Variants in CAMK4 observed in about 807,000 individuals in gnomAD.
CAMK4 encodes the protein calcium/calmodulin-dependent protein kinase type IV.
CAMK4 carries 22 observed loss-of-function variants against 44.9 expected under a neutral mutation model. That is an observed-to-expected ratio of 0.49 (90% confidence interval 0.35 to 0.70). CAMK4 has a LOEUF of 0.70. Among genes scored for constraint, CAMK4 ranks in the 30% least tolerant of loss-of-function variants. CAMK4 has a pLI of 0.01. For synonymous variants in CAMK4, 218 were observed against 215.4 expected (o/e 1.01, Z -0.11); for missense variants, 498 against 586.8 (o/e 0.85, Z 1.56).
Position 111,482,947 on chromosome 5 carries a change from C to A in CAMK4, c.981+10C>A. 1 of 1,583,826 alleles carries A rather than the reference C, an allele frequency of 6.3e-7. No individual in the cohort carries two copies. On this transcript the variant is annotated intron_variant, in intron 10 of 10. Transcript: ENST00000282356. This position sits in a 1 kb window ranked among gnomAD's most constrained non-coding sequence, Gnocchi z 4.9. ...CCGGCGTAAGCTTAAGGTAAGATAG[C>A]ATATATTTTGTTTTGTTTTGTTTTG...
At chr5:111,241,780 T>C (rs534122513) in intron 1 of CAMK4, among the ~76,000 whole-genome samples, 1 of 152,348 alleles carries the variant, frequency 6.6e-6, no homozygotes, top group South Asian at 2.1e-4. Flanking sequence ...AATCATGCAA[T>C]TGGGAATGTA....
chr5:111,345,823 T>G (rs533317816), intron 2 of CAMK4, among the ~76,000 whole-genome samples: 1 of 152,104 alleles, frequency 6.6e-6, no homozygotes, highest in East Asian at 1.9e-4. Context: ...TGGTTCGTCC[T>G]TACTGTCTTC....
rs369228573 is a variant in CAMK4 at position 111,442,553 on chromosome 5, C to T, written c.460-4133C>T. 5.6e-3 allele frequency among the ~76,000 whole-genome samples: 830 copies of T among 149,444 alleles called. 12 individuals are homozygous for T. Among genetic ancestry groups the T allele is most frequent in the African/African-American group, 0.019 (776 of 41,024 alleles). On this transcript the variant is annotated intron_variant, in intron 5 of 10. Transcript: ENST00000282356. ...ATATATATATATATATACACACACA[C>T]ACATACATACAGTGGAATTTTCCAG... is the stretch of plus-strand genomic sequence containing the variant.
At chr5:111,378,021 A>C (rs1282676392) in intron 4 of CAMK4, among the ~76,000 whole-genome samples, 4 of 152,064 alleles carry the variant, frequency 2.6e-5, no homozygotes, top group East Asian at 1.9e-4. Flanking sequence ...CAGGGTCTGA[A>C]TGTTTGTGTG....
chr5:111,224,804 G>C lies in CAMK4; in HGVS notation c.161+160G>C, dbSNP rs893643076. The stretch of plus-strand genomic sequence containing the variant: ...GAGAGCTAACCTTCATTCAGGTGCG[G>C]CTCGAGTCCTTCCCACCCCACCAGA... On this transcript the variant is annotated intron_variant, in intron 1 of 10. Transcript: ENST00000282356. The surrounding 1 kb of genome is among the most constrained non-coding windows in gnomAD (Gnocchi z 5.7). Among the ~76,000 whole-genome samples the C allele has an allele frequency of 6.6e-6, 1 of 152,050 alleles. No individual in the cohort carries two copies. Among genetic ancestry groups the C allele is most frequent in the Non-Finnish European group, 1.5e-5 (1 of 67,998 alleles).
At chr5:111,441,483 C>A (rs1181978491) in intron 5 of CAMK4, among the ~76,000 whole-genome samples, 2 of 151,916 alleles carry the variant, frequency 1.3e-5, no homozygotes, top group Non-Finnish European at 2.9e-5. Flanking sequence ...TTTGTAATTT[C>A]TTTATTAAAG....
intron 1 of CAMK4, among the ~76,000 whole-genome samples, chr5:111,273,127 T>C (rs529353148): frequency 1.3e-4 from 20 of 152,308 alleles, no homozygotes; most frequent in Admixed American, 1.3e-3. Context: ...ATACAACTGT[T>C]ATCTCTGCAC....
chr5:111,253,459 G>C (rs1231507983), intron 1 of CAMK4, among the ~76,000 whole-genome samples: 2 of 152,174 alleles, frequency 1.3e-5, no homozygotes, highest in Admixed American at 1.3e-4. Flanking sequence ...GGTTTTCTCA[G>C]TCATGTCACC....
At chr5:111,372,043 A>T (rs534109113) in intron 2 of CAMK4, among the ~76,000 whole-genome samples, 1 of 152,254 alleles carries the variant, frequency 6.6e-6, no homozygotes, top group African/African-American at 2.4e-5. Context: ...CTAAATTGCT[A>T]TTTGGTAGGG....
At chr5:111,377,555 C>T (rs1281620574) in intron 4 of CAMK4, among the ~76,000 whole-genome samples, 1 of 151,850 alleles carries the variant, frequency 6.6e-6, no homozygotes, top group African/African-American at 2.4e-5. Flanking sequence ...TCTGGCAGAG[C>T]ATAATATATG....
intron 4 of CAMK4, among the ~76,000 whole-genome samples, chr5:111,390,837 A>C (rs1221255086): frequency 1.3e-5 from 2 of 152,180 alleles, no homozygotes; most frequent in Admixed American, 6.5e-5. Flanking sequence ...CATACAAGTG[A>C]GTGAGGACCA....
intron 1 of CAMK4, among the ~76,000 whole-genome samples, chr5:111,283,362 A>G (rs1304858782): frequency 6.6e-6 from 1 of 152,250 alleles, no homozygotes; most frequent in Non-Finnish European, 1.5e-5. Context: ...AAGATATTCT[A>G]AAACCTCTTC....
chr5:111,386,820 C>T (rs1198795916), intron 4 of CAMK4, among the ~76,000 whole-genome samples: 1 of 152,250 alleles, frequency 6.6e-6, no homozygotes, highest in East Asian at 1.9e-4. Context: ...AATGTACCAC[C>T]TTCGTGCTTC....
At chr5:111,307,243 A>T (rs1747965113) in intron 1 of CAMK4, among the ~76,000 whole-genome samples, 1 of 23,620 alleles carries the variant, frequency 4.2e-5, no homozygotes, top group Non-Finnish European at 7.0e-5. Context: ...GCCAAAATTG[A>T]CAAATGGGAT....
chr5:111,464,221 C>A (rs1754744407), intron 7 of CAMK4, among the ~76,000 whole-genome samples: 1 of 135,020 alleles, frequency 7.4e-6, no homozygotes, highest in Non-Finnish European at 1.7e-5. Context: ...TAGACCTGAA[C>A]AAGCAGAAGA....
At chr5:111,282,818 G>T (rs1381437496) in intron 1 of CAMK4, 1 of 152,148 alleles carries the variant, frequency 6.6e-6, no homozygotes, top group Non-Finnish European at 1.5e-5. Flanking sequence ...TAAGTCAAAA[G>T]CACATTTAAT....
intron 1 of CAMK4, among the ~76,000 whole-genome samples, chr5:111,234,874 TA>T (rs1489550279): frequency 1.3e-5 from 2 of 152,248 alleles, no homozygotes; most frequent in Non-Finnish European, 2.9e-5. Flanking sequence ...CATGCTTTGT[TA>T]AAAGTGCACT....
chr5:111,393,358 A>T (rs1432514413), intron 4 of CAMK4, among the ~76,000 whole-genome samples: 1 of 152,194 alleles, frequency 6.6e-6, no homozygotes, highest in Non-Finnish European at 1.5e-5. Context: ...AGAGGGCAGG[A>T]AATAGCTCCA....
At chr5:111,333,898 G>A (rs2112728282) in intron 1 of CAMK4, among the ~76,000 whole-genome samples, 1 of 151,668 alleles carries the variant, frequency 6.6e-6, no homozygotes, top group African/African-American at 2.4e-5. Flanking sequence ...AGAATAAGCT[G>A]ACATGAGGCT....
Sources: allele counts gnomAD v4.1 joint callset (sites outside exome capture counted in the v4.1 genomes callset), GRCh38; gene constraint gnomAD v4.1.1; non-coding constraint Gnocchi (gnomAD v3.1); transcripts MANE v1.5; gene names NCBI Gene and HGNC (gene_info 2026-07-23, HGNC 2026-07-21).